POU2F1: variants seen among roughly 807,000 people sequenced by gnomAD.
The protein encoded by POU2F1 is POU domain, class 2, transcription factor 1.
Under a neutral mutation model 84.9 loss-of-function variants are expected in POU2F1, and 16 were observed. That is an observed-to-expected ratio of 0.19 (90% CI 0.13 to 0.29). The LOEUF (loss-of-function observed/expected upper bound fraction) is 0.29. Ranked by LOEUF, POU2F1 falls within the 10% of genes least tolerant of loss-of-function variation. POU2F1 has a pLI of 1.00. For missense variants in POU2F1, 738 were observed against 942.6 expected (o/e 0.78, Z 2.84); for synonymous variants, 368 against 368.3 (o/e 1.00, Z 0.01).
intron 9 of POU2F1, 115 bp downstream of exon 9, chr1:167,389,876 ACGGGGG>A: frequency 8.3e-7 from 1 of 1,210,124 alleles, no homozygotes; most frequent in South Asian, 1.5e-5. Flanking sequence ...AATATTTGGG[ACGGGGG>A]ACGAAAAAGG....
chr1:167,365,414 C>A, intron 2 of POU2F1, 53 bp from the exon 3 acceptor site: 2 of 1,364,286 alleles, frequency 1.5e-6, no homozygotes, highest in Non-Finnish European at 1.0e-6. Flanking sequence ...AAATCTAGTG[C>A]TTTATTTCAT....
intron 1 of POU2F1, among the ~76,000 whole-genome samples, chr1:167,241,862 AATTTG>A (rs1649931025): frequency 6.6e-6 from 1 of 152,198 alleles, no homozygotes; most frequent in Admixed American, 6.5e-5. Flanking sequence ...TGTTAAAAAT[AATTTG>A]AGGGTTTTGA....
intron 3 of POU2F1, among the ~76,000 whole-genome samples, chr1:167,367,853 G>A (rs1333904104): frequency 6.6e-6 from 1 of 151,514 alleles, no homozygotes; most frequent in African/African-American, 2.4e-5. Context: ...CAACTCCTGA[G>A]CTCAAGGGAT....
At chr1:167,353,345 TCTC>T (rs1240371881) in intron 2 of POU2F1, among the ~76,000 whole-genome samples, 2 of 150,832 alleles carry the variant, frequency 1.3e-5, no homozygotes, top group Non-Finnish European at 2.9e-5. Flanking sequence ...TTACCTACCT[TCTC>T]CTTTTTTTTT....
At chr1:167,382,620 G>T (rs1647648027) in intron 7 of POU2F1, among the ~76,000 whole-genome samples, 1 of 152,160 alleles carries the variant, frequency 6.6e-6, no homozygotes, top group South Asian at 2.1e-4. Flanking sequence ...GAACTATAGG[G>T]AGACACTTGG....
chr1:167,328,591 C>T (rs1047215470), intron 1 of POU2F1, among the ~76,000 whole-genome samples: 2 of 152,092 alleles, frequency 1.3e-5, no homozygotes, highest in Admixed American at 6.6e-5. Context: ...CTAATTTGTA[C>T]GTGTCATTTC....
intron 1 of POU2F1, among the ~76,000 whole-genome samples, chr1:167,318,599 T>C (rs1042549614): frequency 1.3e-5 from 2 of 152,222 alleles, no homozygotes; most frequent in African/African-American, 4.8e-5. Context: ...TGGTAAATAC[T>C]GAGACCAGAA....
At chr1:167,357,958 T>C (rs1409804573) in intron 2 of POU2F1, among the ~76,000 whole-genome samples, 1 of 150,898 alleles carries the variant, frequency 6.6e-6, no homozygotes, top group African/African-American at 2.4e-5. Flanking sequence ...CGCACATCAC[T>C]ACACCCAGCT....
At chr1:167,344,849 G>C (rs998803177) in intron 2 of POU2F1, among the ~76,000 whole-genome samples, 1 of 152,118 alleles carries the variant, frequency 6.6e-6, no homozygotes, top group African/African-American at 2.4e-5. Flanking sequence ...AGTGTAGGAG[G>C]GGAGTGGCAA....
intron 1 of POU2F1, among the ~76,000 whole-genome samples, chr1:167,298,964 GACCAGCCTGACCA>G (rs751572647): frequency 1.3e-5 from 2 of 152,068 alleles, no homozygotes; most frequent in Non-Finnish European, 2.9e-5. Context: ...GGGAGTTCGA[GACCAGCCTGACCA>G]ACATGAGCAA....
chr1:167,275,118 G>A (rs1467785298), intron 1 of POU2F1, among the ~76,000 whole-genome samples: 1 of 149,624 alleles, frequency 6.7e-6, no homozygotes, highest in Non-Finnish European at 1.5e-5. Context: ...GAGCTCCCAG[G>A]CTCAAGCAGT....
At chr1:167,323,206 T>C (rs1387113765) in intron 1 of POU2F1, among the ~76,000 whole-genome samples, 4 of 152,142 alleles carry the variant, frequency 2.6e-5, no homozygotes, top group East Asian at 3.9e-4. Flanking sequence ...AAGACAGTTA[T>C]AGAAGTAAAG....
intron 9 of POU2F1, among the ~76,000 whole-genome samples, chr1:167,392,214 G>A (rs1264052034): frequency 6.6e-6 from 1 of 152,006 alleles, no homozygotes; most frequent in African/African-American, 2.4e-5. Context: ...AGCCGGGCGT[G>A]CTGGCGGGCG....
In POU2F1 at chr1:167,417,317, T is replaced by C. The variant is rs1650375906; in HGVS notation, c.*1507T>C. 1 of 152,238 alleles carries C rather than the reference T, an allele frequency of 6.6e-6. No homozygotes were observed. The highest frequency in any genetic ancestry group is 1.5e-5 in the Non-Finnish European group (1 of 68,042). The allele number at this position is 152,238 out of a possible 1,614,324, so 9.4% of individuals were successfully genotyped here. A position where few individuals can be genotyped will look rare whatever the true frequency, so the allele number is the denominator to read the frequency against. ...ACACCTTAAGTGTCTCCTTGGTTTG[T>C]TCATGATGCTCCTGCTAGGTAGGTC... On this transcript the variant is annotated 3_prime_UTR_variant, in exon 16 of 16. Transcript: ENST00000367866.
At chr1:167,277,236 T>G (rs1269546365) in intron 1 of POU2F1, among the ~76,000 whole-genome samples, 2 of 152,066 alleles carry the variant, frequency 1.3e-5, no homozygotes, top group East Asian at 3.9e-4. Context: ...TTTGTTTTGT[T>G]TTGTTTTTTG....
At chr1:167,382,142 C>G (rs995563806) in intron 7 of POU2F1, among the ~76,000 whole-genome samples, 1 of 152,030 alleles carries the variant, frequency 6.6e-6, no homozygotes, top group African/African-American at 2.4e-5. Context: ...CAGGCCCTGC[C>G]CTCATTAAGA....
At chr1:167,265,503 A>G (rs797000845) in intron 1 of POU2F1, among the ~76,000 whole-genome samples, 8 of 152,362 alleles carry the variant, frequency 5.3e-5, no homozygotes, top group African/African-American at 1.9e-4. Context: ...AAATTCACTA[A>G]TGGCAGCAGC....
chr1:167,261,146 T>C (rs1213979084), intron 1 of POU2F1, among the ~76,000 whole-genome samples: 1 of 152,134 alleles, frequency 6.6e-6, no homozygotes, highest in African/African-American at 2.4e-5. Flanking sequence ...ATATCTAAAA[T>C]TTGTCTGATT....
intron 2 of POU2F1, chr1:167,357,380 C>CA (rs1557922267): frequency 2.3e-3 from 7 of 3,008 alleles, no homozygotes; most frequent in Non-Finnish European, 4.1e-3. Flanking sequence ...CCCCCCCCCA[C>CA]CCCCCCCCGC....
Sources: gnomAD v4.1 joint callset for allele counts (sites outside exome capture counted in the v4.1 genomes callset) on GRCh38, gnomAD v4.1.1 for gene constraint, MANE v1.5 for transcripts, NCBI Gene and HGNC (gene_info 2026-07-23, HGNC 2026-07-21) for gene names.